The following IL17RB variants were observed in gnomAD, a reference collection of about 807,000 sequenced individuals.
IL17RB encodes the protein interleukin 17 receptor B, also known as interleukin-17 receptor B.
A neutral mutation model predicts 43.9 loss-of-function variants in IL17RB; 36 were observed. That is an observed-to-expected ratio of 0.82 (90% confidence interval 0.63 to 1.08). The LOEUF (loss-of-function observed/expected upper bound fraction) is 1.08. Ranked by LOEUF, IL17RB falls within the 50% of genes least tolerant of loss-of-function variation. The probability of loss-of-function intolerance (pLI) is 0.00; values close to 1 mark genes in which losing one functional copy is unlikely to be tolerated. For missense variants in IL17RB, 613 were observed against 613.6 expected (o/e 1.00, Z 0.01); for synonymous variants, 225 against 225.4 (o/e 1.00, Z 0.02).
chr3:53,848,519 T>C, intron 1 of IL17RB, 145 bp from the exon 2 acceptor site: 1 of 826,738 alleles, frequency 1.2e-6, no homozygotes, highest in Admixed American at 1.8e-5. Flanking sequence ...CCCTAAGCTG[T>C]GAAGCAGAAC....
chr3:53,858,428 T>C, intron 8 of IL17RB: 1 of 1,162,098 alleles, frequency 8.6e-7, no homozygotes, highest in Non-Finnish European at 1.1e-6. Flanking sequence ...GAAATGTTTG[T>C]CTACGTGGTA....
In IL17RB at chr3:53,857,681, T is replaced by C; in HGVS notation, c.738T>C (p.Ala246=). ...VIPVTGDSEG[A]TVQLTPYFPT... The stretch of plus-strand genomic sequence containing the variant: ...CAGTGACTGGGGATAGTGAAGGTGC[T>C]ACGGTGCAGGTAAAGTTCAGTGAGC... Residue 246 remains alanine (A), a synonymous_variant, in exon 8 of 11, where the codon GCT becomes GCC. Coordinates refer to ENST00000288167, the MANE Select transcript of IL17RB (RefSeq NM_018725.4). 6.2e-7 allele frequency: 1 copy of C among 1,613,998 alleles called. No individual in the cohort carries two copies. Among genetic ancestry groups the C allele is most frequent in the Non-Finnish European group, 8.5e-7 (1 of 1,179,868 alleles).
At chr3:53,862,086 G>A (rs541008502) in intron 10 of IL17RB, among the ~76,000 whole-genome samples, 2 of 152,288 alleles carry the variant, frequency 1.3e-5, no homozygotes, top group East Asian at 3.9e-4. Context: ...TTCTGGATTG[G>A]TTCCACTGAT....
intron 9 of IL17RB, 55 bp downstream of exon 9, chr3:53,858,873 G>GC (rs1199686146): frequency 2.2e-6 from 3 of 1,351,300 alleles, no homozygotes; most frequent in Non-Finnish European, 2.1e-6. Context: ...CACAGTCACT[G>GC]CCCCCCACTC....
intron 3 of IL17RB, among the ~76,000 whole-genome samples, chr3:53,850,807 A>G (rs1699113369): frequency 6.9e-6 from 1 of 145,306 alleles, no homozygotes; most frequent in African/African-American, 2.9e-5. Flanking sequence ...TCTCAAAATA[A>G]AATAAAATAA....
chr3:53,846,618 G>A lies in IL17RB; in HGVS notation c.30G>A (p.Ala10=). 1 of 1,592,404 alleles carries A rather than the reference G, an allele frequency of 6.3e-7. No homozygotes were observed. Among genetic ancestry groups the A allele is most frequent in the Non-Finnish European group, 8.5e-7 (1 of 1,172,882 alleles). The change falls in exon 1 of 11, where the codon GCG becomes GCA. Residue 10 remains alanine, a synonymous_variant. Transcript: ENST00000288167. The stretch of plus-strand genomic sequence containing the variant: ...CGCTCGTGCTGCTAAGCCTGGCCGC[G>A]CTGTGCAGGAGCGCCGTACCCCGAG... MSLVLLSLA[A]LCRSAVPREP... is the part of the protein sequence containing the mutation.
At chr3:53,857,931 A>G in intron 8 of IL17RB, 1 of 499,646 alleles carries the variant, frequency 2.0e-6, no homozygotes, top group Non-Finnish European at 3.6e-6. Flanking sequence ...AGCACTTTTT[A>G]TTTTCATTTT....
At position 53,848,688 on chromosome 3, in the gene IL17RB, G is replaced by A; in HGVS notation, c.85G>A (p.Gly29Arg). 5.0e-6 allele frequency: 8 copies of A among 1,614,054 alleles called. No individual in the cohort carries two copies. Among genetic ancestry groups the A allele is most frequent in the Non-Finnish European group, 6.8e-6 (8 of 1,179,924 alleles). ...GACCGTTCAATGTGGCTCTGAAACTGGTAGGTGCATTAGAGAATGGGTATT... is the reference window on the plus strand; with the variant it reads ...GACCGTTCAATGTGGCTCTGAAACTAGTAGGTGCATTAGAGAATGGGTATT... ...EPTVQCGSET[G>R]PSPEWMLQHD... The change falls in exon 2 of 11, where the codon GGG (glycine) becomes AGG (arginine). Residue 29 changes from glycine (G) to arginine (R), a missense_variant and splice_region_variant. Transcript: ENST00000288167.
At chr3:53,854,179 G>T (rs554062467) in intron 5 of IL17RB, among the ~76,000 whole-genome samples, 3 of 152,246 alleles carry the variant, frequency 2.0e-5, no homozygotes, top group African/African-American at 7.2e-5. Context: ...TTACAGGAGT[G>T]AGCCACCGTA....
rs1294396189 is a variant in IL17RB at position 53,865,282 on chromosome 3, T to A, written c.1483T>A (p.Cys495Ser). The change falls in exon 11 of 11, where the codon TGC becomes AGC. Residue 495 changes from cysteine to serine, a missense_variant. Cys to Ser is a moderately radical substitution (Grantham distance 112). Transcript: ENST00000288167. The part of the protein sequence containing the change: ...QVSAGKRSQA[C>S]HDGCCSL ...GTCAGCAGGAAAAAGATCACAAGCC[T>A]GCCACGATGGCTGCTGCTCCTTGTA... is the stretch of plus-strand genomic sequence containing the variant. 5.0e-6 allele frequency: 8 copies of A among 1,607,708 alleles called. 1 individual carries two copies. The Admixed American group carries it at 1.3e-4, about 27-fold the overall frequency.
At chr3:53,859,049 T>C (rs755743182) in intron 9 of IL17RB, 4 of 436,182 alleles carry the variant, frequency 9.2e-6, no homozygotes, top group Non-Finnish European at 1.6e-5. Flanking sequence ...CAAAGCAGGA[T>C]ACACAGAAGG....
intron 8 of IL17RB, 108 bp from the exon 9 acceptor site, chr3:53,858,611 G>A (rs1699438795): frequency 2.0e-6 from 3 of 1,503,238 alleles, no homozygotes; most frequent in Admixed American, 4.2e-5. Flanking sequence ...AACACTAGAG[G>A]TATGGGCGAA....
intron 3 of IL17RB, among the ~76,000 whole-genome samples, chr3:53,850,239 G>A (rs1247432467): frequency 1.3e-5 from 2 of 152,236 alleles, no homozygotes; most frequent in Non-Finnish European, 2.9e-5. Flanking sequence ...GCTAACGCCT[G>A]TAATCCCAGC....
Position 53,851,894 on chromosome 3 carries a change from T to C in IL17RB, c.227-105T>C, listed in dbSNP as rs561623560. 4.6e-6 allele frequency: 6 copies of C among 1,318,134 alleles called. No individual in the cohort carries two copies. In the African/African-American group the frequency reaches 5.8e-5, roughly 13 times the overall value. 81.7% of individuals were successfully genotyped at this position (1,318,134 alleles called of 1,614,324 possible). ...GCCTACCTTTCAGTACTATTGTGAA[T>C]ATGAACCGAGACATAAAATAAAGCA... is the stretch of plus-strand genomic sequence containing the variant. On this transcript the variant is annotated intron_variant, in intron 3 of 10. Coordinates refer to ENST00000288167, the MANE Select transcript of IL17RB (RefSeq NM_018725.4).
chr3:53,848,368 C>G (rs1699013570), intron 1 of IL17RB, among the ~76,000 whole-genome samples: 1 of 152,216 alleles, frequency 6.6e-6, no homozygotes, highest in Admixed American at 6.5e-5. Context: ...CCCCTGCTTG[C>G]AGCAGGGAAG....
At chr3:53,851,227 A>G (rs1473516853) in intron 3 of IL17RB, among the ~76,000 whole-genome samples, 1 of 152,172 alleles carries the variant, frequency 6.6e-6, no homozygotes, top group African/African-American at 2.4e-5. Context: ...CTACCTGGTC[A>G]AGAATCCATG....
At chr3:53,862,540 G>A (rs1473969727) in intron 10 of IL17RB, among the ~76,000 whole-genome samples, 4 of 152,202 alleles carry the variant, frequency 2.6e-5, no homozygotes, top group Non-Finnish European at 4.4e-5. Context: ...GGCAAAAAAG[G>A]TGGGGGGTGA....
intron 2 of IL17RB, 86 bp downstream of exon 2, chr3:53,848,774 A>C: frequency 1.3e-5 from 18 of 1,356,224 alleles, no homozygotes; most frequent in Non-Finnish European, 1.6e-5. Flanking sequence ...GCAATAGGTC[A>C]TCGAAGACCA....
chr3:53,858,813 A>G lies in IL17RB; in HGVS notation c.842A>G (p.Asp281Gly). 6.2e-7 allele frequency: 1 copy of G among 1,613,218 alleles called. No homozygotes were observed. The highest frequency in any genetic ancestry group is 8.5e-7 in the Non-Finnish European group (1 of 1,179,212). ...CPQTGVPFPL[D>G]NNKSKPGGWL... ...CAAACAGGCGTCCCTTTCCCTCTGGATAACAGTAAGTGCCCAGTAACTTCA... is the reference window on the plus strand; with the variant it reads ...CAAACAGGCGTCCCTTTCCCTCTGGGTAACAGTAAGTGCCCAGTAACTTCA... The change falls in exon 9 of 11, where the codon GAT becomes GGT. Residue 281 changes from aspartate to glycine, a missense_variant. By Grantham distance (94) the Asp-to-Gly change is moderately conservative. Transcript: ENST00000288167.
Sources: allele counts gnomAD v4.1 joint callset (sites outside exome capture counted in the v4.1 genomes callset), GRCh38; gene constraint gnomAD v4.1.1; transcripts MANE v1.5; gene names NCBI Gene and HGNC (gene_info 2026-07-23, HGNC 2026-07-21).